ATP4A: variants seen among roughly 807,000 people sequenced by gnomAD.
The protein encoded by ATP4A is ATPase H+/K+ transporting subunit alpha, also known as potassium-transporting ATPase alpha chain 1.
Under a neutral mutation model 112.1 loss-of-function variants are expected in ATP4A, and 73 were observed. The ratio of observed to expected loss-of-function variants is 0.65; its 90% confidence interval spans 0.54 to 0.79. The LOEUF (loss-of-function observed/expected upper bound fraction) is 0.79, where lower values mean the gene tolerates loss of function less well. Ranked by LOEUF, ATP4A falls within the 30% of genes least tolerant of loss-of-function variation. ATP4A has a pLI of 0.00. For synonymous variants in ATP4A, 588 were observed against 588.9 expected (o/e 1.00, Z 0.02); for missense variants, 1,081 against 1,425.9 (o/e 0.76, Z 3.90).
chr19:35,555,488 G>T lies in ATP4A; in HGVS notation c.2109C>A (p.Arg703=). The change falls in exon 14 of 22, where the codon CGC becomes CGA. Residue 703 remains arginine, a synonymous_variant. Coordinates refer to ENST00000262623, the MANE Select transcript of ATP4A (RefSeq NM_000704.3). The surrounding 1 kb of genome is among the most constrained non-coding windows in gnomAD (Gnocchi z 6.6). The stretch of plus-strand genomic sequence containing the variant: ...TCACCAGCTTCTGCTGGGGGCTGGT[G>T]CGCGCAAACACCATCTCGGGGTGGG... ...LRTHPEMVFA[R]TSPQQKLVIV... 6.2e-7 allele frequency: 1 copy of T among 1,610,974 alleles called. No individual in the cohort carries two copies. The highest frequency in any genetic ancestry group is 8.5e-7 in the Non-Finnish European group (1 of 1,178,164).
rs201382109 is a variant in ATP4A, at chr19:35,559,881, G to A, written c.980C>T (p.Thr327Ile). The change falls in exon 7 of 22, where the codon ACC becomes ATC. Residue 327 changes from threonine to isoleucine, a missense_variant. Thr to Ile is a moderately conservative substitution (Grantham distance 89). Around this residue, in one of 3 missense-constraint regions of ATP4A, gnomAD observed 850 missense variants for 1,068.2 expected, o/e 0.80. Transcript: ENST00000262623. The surrounding 1 kb of genome is among the most constrained non-coding windows in gnomAD (Gnocchi z 4.1). ...FFIVAMCIGY[T>I]FLRAMVFFMA... The stretch of plus-strand genomic sequence containing the variant: ...GAAGAAGACCATGGCCCGCAGGAAG[G>A]TGTAGCCAATGCACATGGCCACAAT... The A allele has an allele frequency of 8.1e-6, 13 of 1,614,116 alleles. No individual in the cohort carries two copies. Among genetic ancestry groups the A allele is most frequent in the African/African-American group, 5.3e-5 (4 of 74,940 alleles).
chr19:35,563,171 C>T, intron 3 of ATP4A, 38 bp downstream of exon 3: 4 of 1,611,036 alleles, frequency 2.5e-6, no homozygotes, highest in South Asian at 1.1e-5. Context: ...TCCCTCTCTC[C>T]TCCTCCCCTT....
intron 3 of ATP4A, among the ~76,000 whole-genome samples, chr19:35,562,931 CTG>C (rs2071680357): frequency 1.3e-5 from 2 of 151,934 alleles, no homozygotes; most frequent in Admixed American, 6.6e-5. Context: ...CTCTCCGTCT[CTG>C]TGTGTCACCC....
Position 35,551,139 on chromosome 19 carries a change from A to G in ATP4A, c.2886-28T>C. The stretch of plus-strand genomic sequence containing the variant: ...GGGGGTGGGCAGAATGGGACAGGCC[A>G]TTAGGAATTGGGGACGTGATGGAAA... On this transcript the variant is annotated intron_variant, in intron 19 of 21. Coordinates refer to ENST00000262623, the MANE Select transcript of ATP4A (RefSeq NM_000704.3). This position sits in a 1 kb window ranked among gnomAD's most constrained non-coding sequence, Gnocchi z 5.2. The G allele has an allele frequency of 6.3e-7, 1 of 1,579,846 alleles. No individual in the cohort carries two copies. The highest frequency in any genetic ancestry group is 8.6e-7 in the Non-Finnish European group (1 of 1,160,930).
chr19:35,553,266 G>A (rs2071611936), intron 17 of ATP4A, 84 bp from the exon 18 acceptor site: 1 of 1,471,764 alleles, frequency 6.8e-7, no homozygotes, highest in East Asian at 2.3e-5. Flanking sequence ...GAGAGACAGG[G>A]ACACAGATAC....
chr19:35,552,372 A>G (rs1254630127), intron 18 of ATP4A, among the ~76,000 whole-genome samples: 14 of 152,198 alleles, frequency 9.2e-5, no homozygotes, highest in Admixed American at 9.2e-4. Flanking sequence ...GGGCTCCCAG[A>G]GGGCTGGGAT....
At chr19:35,562,396 G>T (rs760342326) in intron 4 of ATP4A, 39 bp downstream of exon 4, 1 of 1,592,440 alleles carries the variant, frequency 6.3e-7, no homozygotes, top group Non-Finnish European at 8.6e-7. Context: ...CCATCCCCAG[G>T]TCCCCATGTC....
chr19:35,558,358 G>A lies in ATP4A; in HGVS notation c.1500+4C>T. The A allele has an allele frequency of 6.2e-7, 1 of 1,608,258 alleles. No homozygotes were observed. Among genetic ancestry groups the A allele is most frequent in the South Asian group, 1.1e-5 (1 of 90,062 alleles). ...CCAGGCCGTGGGCGGGGCCGGCTGC[G>A]CACCTGGAACTTGTTGGTGGAGTTG... On this transcript the variant is annotated splice_donor_region_variant and intron_variant, in intron 10 of 21. Transcript: ENST00000262623. This position sits in a 1 kb window ranked among gnomAD's most constrained non-coding sequence, Gnocchi z 5.1.
chr19:35,555,518 C>T lies in ATP4A; in HGVS notation c.2079G>A (p.Leu693=). The T allele has an allele frequency of 6.2e-7, 1 of 1,605,882 alleles. No individual in the cohort carries two copies. Among genetic ancestry groups the T allele is most frequent in the Non-Finnish European group, 8.5e-7 (1 of 1,174,846 alleles). The change falls in exon 14 of 22, where the codon CTG becomes CTA. Residue 693 remains leucine, a synonymous_variant. Transcript: ENST00000262623. This position sits in a 1 kb window ranked among gnomAD's most constrained non-coding sequence, Gnocchi z 6.6. Reference sequence around the variant, plus strand: ...CAAACACCATCTCGGGGTGGGTGCGCAGGGCCTCGACCAGTTCCGATGGGT... The same window carrying T: ...CAAACACCATCTCGGGGTGGGTGCGTAGGGCCTCGACCAGTTCCGATGGGT... The part of the protein sequence containing the change: ...DMDPSELVEA[L]RTHPEMVFAR...
rs2071679190 is a variant in ATP4A, at chr19:35,562,774, C to T, written c.217-136G>A. 6.0e-6 allele frequency: 5 copies of T among 826,542 alleles called. No homozygotes were observed. The African/African-American group carries it at 6.9e-5, about 11-fold the overall frequency. 51.2% of individuals were successfully genotyped at this position (826,542 alleles called of 1,614,324 possible). On this transcript the variant is annotated intron_variant, in intron 3 of 21. Transcript: ENST00000262623. ...CTTCTCATCTCTTTGTCTCTTGGTTCCTGCCCCCACCCCATCTCTCCCTCC... is the reference window on the plus strand; with the variant it reads ...CTTCTCATCTCTTTGTCTCTTGGTTTCTGCCCCCACCCCATCTCTCCCTCC...
In ATP4A at chr19:35,551,109, T is replaced by C. The variant is rs1311624031; in HGVS notation, c.2888A>G (p.Asn963Ser). 6.2e-7 allele frequency: 1 copy of C among 1,605,476 alleles called. No homozygotes were observed. Among genetic ancestry groups the C allele is most frequent in the Non-Finnish European group, 8.5e-7 (1 of 1,175,888 alleles). ...CACGATGGCGATCACCAGGATCTTA[T>C]TCCTGGGGGTGGGCAGAATGGGACA... ...LSAFQQGFFR[N>S]KILVIAIVFQ... The change falls in exon 20 of 22, where the codon AAT becomes AGT. Residue 963 changes from asparagine (N) to serine (S), a missense_variant and splice_region_variant. By Grantham distance (46) the Asn-to-Ser change is conservative (BLOSUM62 1). Transcript: ENST00000262623. The surrounding 1 kb of genome is among the most constrained non-coding windows in gnomAD (Gnocchi z 5.2).
rs552874102 is a variant in ATP4A, at chr19:35,558,897, C to T, written c.1255+96G>A. ...TGAGACCTGGAGCCGAGCCGCCCCG[C>T]CTTCGTACAAAGCCCTCCCTACCTC... On this transcript the variant is annotated intron_variant, in intron 8 of 21. Coordinates refer to ENST00000262623, the MANE Select transcript of ATP4A (RefSeq NM_000704.3). The surrounding 1 kb of genome is among the most constrained non-coding windows in gnomAD (Gnocchi z 5.1). The T allele has an allele frequency of 3.7e-5, 55 of 1,486,796 alleles. No individual in the cohort carries two copies. In the East Asian group the frequency reaches 1.2e-3, roughly 32 times the overall value. 92.1% of individuals were successfully genotyped at this position (1,486,796 alleles called of 1,614,324 possible). A position where few individuals can be genotyped will look rare whatever the true frequency, so the allele number is the denominator to read the frequency against.
Position 35,555,273 on chromosome 19 carries a change from T to C in ATP4A, c.2219A>G (p.Asp740Gly). The C allele has an allele frequency of 6.2e-7, 1 of 1,614,222 alleles. No homozygotes were observed. Among genetic ancestry groups the C allele is most frequent in the Non-Finnish European group, 8.5e-7 (1 of 1,180,038 alleles). ...VNDSPALKKA[D>G]IGVAMGIAGS... ...AGCGATGCCCATGGCTACTCCGATG[T>C]CTGCCTTCTTCAGAGCTGGGGAGTC... Residue 740 changes from aspartate to glycine, a missense_variant, in exon 15 of 22, where the codon GAC becomes GGC. Physicochemically the swap from Asp to Gly is moderately conservative, Grantham distance 94. Coordinates refer to ENST00000262623, the MANE Select transcript of ATP4A (RefSeq NM_000704.3). The surrounding 1 kb of genome is among the most constrained non-coding windows in gnomAD (Gnocchi z 6.6).
In ATP4A at chr19:35,550,787, C is replaced by A; in HGVS notation, c.3079+47G>T. 6.2e-7 allele frequency: 1 copy of A among 1,612,070 alleles called. No individual in the cohort carries two copies. Among genetic ancestry groups the A allele is most frequent in the South Asian group, 1.1e-5 (1 of 90,994 alleles). ...AGGATCAAAGGTGGGTGCAGCTGCT[C>A]AAACGTTTCAGTCCCCTGCCCCCAG... On this transcript the variant is annotated intron_variant, in intron 21 of 21. Coordinates refer to ENST00000262623, the MANE Select transcript of ATP4A (RefSeq NM_000704.3). This position sits in a 1 kb window ranked among gnomAD's most constrained non-coding sequence, Gnocchi z 4.1.
Position 35,558,494 on chromosome 19 carries a change from G to T in ATP4A, c.1368C>A (p.Arg456=), listed in dbSNP as rs2071646520. 1 of 1,594,368 alleles carries T rather than the reference G, an allele frequency of 6.3e-7. No homozygotes were observed. Among genetic ancestry groups the T allele is most frequent in the Non-Finnish European group, 8.5e-7 (1 of 1,171,286 alleles). ...SGQDAVPVPK[R]IVIGDASETA... ...TCTCCGATGCGTCTCCAATCACGAT[G>T]CGCTGGGAGCGGGGACCGGTGTCAG... Residue 456 remains arginine (R), a splice_region_variant and synonymous_variant, in exon 10 of 22, where the codon CGC becomes CGA. Coordinates refer to ENST00000262623, the MANE Select transcript of ATP4A (RefSeq NM_000704.3). This position sits in a 1 kb window ranked among gnomAD's most constrained non-coding sequence, Gnocchi z 5.1.
Position 35,563,618 on chromosome 19 carries a change from G to T in ATP4A, c.12C>A (p.Ala4=), listed in dbSNP as rs143227044. 6.2e-7 allele frequency: 1 copy of T among 1,613,776 alleles called. No individual in the cohort carries two copies. MGK[A]ENYELYSVEL... ...CCCCGGACCCCTGGGCCCCACTCAC[G>T]GCCTTCCCCATGGTGCCCGGTGCCT... Residue 4 remains alanine (A), a splice_region_variant and synonymous_variant, in exon 1 of 22, where the codon GCC becomes GCA. Coordinates refer to ENST00000262623, the MANE Select transcript of ATP4A (RefSeq NM_000704.3).
At position 35,560,583 on chromosome 19, in the gene ATP4A, G is replaced by A. The variant is rs750606080; in HGVS notation, c.567C>T (p.Phe189=). Residue 189 remains phenylalanine (F), a synonymous_variant, in exon 6 of 22, where the codon TTC becomes TTT. Coordinates refer to ENST00000262623, the MANE Select transcript of ATP4A (RefSeq NM_000704.3). This position sits in a 1 kb window ranked among gnomAD's most constrained non-coding sequence, Gnocchi z 5.1. ...CCACCAGTTGGTCAGCGTTGATCTGGAATTTGTCTCCATCGCGGATGACAG... is the reference window on the plus strand; with the variant it reads ...CCACCAGTTGGTCAGCGTTGATCTGAAATTTGTCTCCATCGCGGATGACAG... ...QATVIRDGDK[F]QINADQLVVG... is the part of the protein sequence containing the mutation. 2 of 1,449,676 alleles carry A rather than the reference G, an allele frequency of 1.4e-6. No homozygotes were observed. Among genetic ancestry groups the A allele is most frequent in the Non-Finnish European group, 9.3e-7 (1 of 1,074,924 alleles). The allele number at this position is 1,449,676 out of a possible 1,614,324, so 89.8% of individuals were successfully genotyped here.
intron 18 of ATP4A, among the ~76,000 whole-genome samples, chr19:35,552,433 G>C (rs933939957): frequency 8.5e-5 from 13 of 152,226 alleles, no homozygotes; most frequent in Non-Finnish European, 1.8e-4. Context: ...TGGTGATGCT[G>C]CTGGTCTGGG....
In ATP4A at chr19:35,553,327, C is replaced by T; in HGVS notation, c.2606-145G>A. On this transcript the variant is annotated intron_variant, in intron 17 of 21. Coordinates refer to ENST00000262623, the MANE Select transcript of ATP4A (RefSeq NM_000704.3). ...GGACACGGGAAGAGAGACAGGGACACAGATACACAAGGTCAAGGACACACA... is the reference window on the plus strand; with the variant it reads ...GGACACGGGAAGAGAGACAGGGACATAGATACACAAGGTCAAGGACACACA... The T allele has an allele frequency of 8.3e-6, 8 of 967,930 alleles. No individual in the cohort carries two copies. The South Asian group carries it at 1.4e-4, about 17-fold the overall frequency. The allele number at this position is 967,930 out of a possible 1,614,324, so 60.0% of individuals were successfully genotyped here.
Sources: allele counts gnomAD v4.1 joint callset (sites outside exome capture counted in the v4.1 genomes callset), GRCh38; gene constraint gnomAD v4.1.1; regional missense constraint gnomAD v4.1.1; non-coding constraint Gnocchi (gnomAD v3.1); transcripts MANE v1.5; gene names NCBI Gene and HGNC (gene_info 2026-07-23, HGNC 2026-07-21).